Variants in CEP43 observed in about 807,000 individuals in gnomAD.
CEP43 encodes the protein FGFR1 oncogene partner.
CEP43 carries 36 observed loss-of-function variants against 52.6 expected under a neutral mutation model. The observed-to-expected ratio is 0.68, with a 90% CI of 0.52 to 0.90. CEP43 has a LOEUF of 0.90. Ranked by LOEUF, CEP43 falls within the 40% of genes least tolerant of loss-of-function variation. CEP43 has a pLI of 0.00. For synonymous variants in CEP43, 192 were observed against 172.4 expected (o/e 1.11, Z -0.89); for missense variants, 506 against 472.8 (o/e 1.07, Z -0.65).
intron 7 of CEP43, among the ~76,000 whole-genome samples, chr6:167,018,383 A>G (rs1330738246): frequency 2.6e-5 from 4 of 151,484 alleles, no homozygotes; most frequent in Admixed American, 6.6e-5. Flanking sequence ...TTGCCATGGT[A>G]TGTGTGTGTG....
chr6:167,031,638 C>T (rs780915326), intron 10 of CEP43, among the ~76,000 whole-genome samples: 1 of 152,200 alleles, frequency 6.6e-6, no homozygotes, highest in Admixed American at 6.5e-5. Flanking sequence ...GGTCTTTGAA[C>T]GGCTCTCTGT....
intron 5 of CEP43, among the ~76,000 whole-genome samples, chr6:167,008,220 T>A (rs1411585277): frequency 1.3e-5 from 2 of 152,148 alleles, no homozygotes; most frequent in East Asian, 3.9e-4. Context: ...CTTCTCTTAT[T>A]TCGTTATTCT....
At chr6:167,023,227 C>T (rs915790284) in intron 8 of CEP43, among the ~76,000 whole-genome samples, 6 of 152,084 alleles carry the variant, frequency 3.9e-5, no homozygotes, top group Non-Finnish European at 5.9e-5. Context: ...AGGAGCTGGA[C>T]GGCTTTTCTT....
At chr6:167,032,148 T>C (rs1051987319) in intron 10 of CEP43, among the ~76,000 whole-genome samples, 1 of 152,186 alleles carries the variant, frequency 6.6e-6, no homozygotes, top group African/African-American at 2.4e-5. Context: ...AGCCTGGCTC[T>C]GTCTGACTGA....
chr6:167,008,359 CCTT>C (rs10542438), intron 5 of CEP43, among the ~76,000 whole-genome samples: 3,855 of 152,272 alleles, frequency 0.025, 170 homozygotes, highest in African/African-American at 0.089. Flanking sequence ...CTTAGTGCCT[CCTT>C]CTGTCAAAGT....
chr6:167,016,296 G>C (rs756549844), intron 7 of CEP43, among the ~76,000 whole-genome samples: 3 of 152,156 alleles, frequency 2.0e-5, no homozygotes, highest in Non-Finnish European at 2.9e-5. Context: ...GTCTCACTCT[G>C]TCACCTAGGC....
chr6:167,010,842 TC>T lies in CEP43; in HGVS notation c.470del (p.Pro157HisfsTer74). On this transcript the variant is annotated frameshift_variant, in exon 6 of 13. Transcript: ENST00000366847. LOFTEE classifies it high-confidence loss of function. ...CACTTGATCTATCTGATGTACATTC[TC>T]CACCAAAGTCACCAGAGGGAAAAAC... The part of the protein sequence containing the change: ...GALDLSDVHS[P>X]PKSPEGKTSA... 1 of 1,594,242 alleles carries T rather than the reference TC, an allele frequency of 6.3e-7. No individual in the cohort carries two copies. The highest frequency in any genetic ancestry group is 8.5e-7 in the Non-Finnish European group (1 of 1,170,536).
intron 7 of CEP43, among the ~76,000 whole-genome samples, chr6:167,020,924 A>G (rs925945041): frequency 6.6e-6 from 1 of 151,184 alleles, no homozygotes; most frequent in Admixed American, 6.6e-5. Context: ...AAAAAAAAAA[A>G]AAAAAAAAGA....
rs575056152 is a variant in CEP43 at position 167,041,448 on chromosome 6, C to T, written c.*1470C>T. 57 of 1,060,090 alleles carry T rather than the reference C, an allele frequency of 5.4e-5. No homozygotes were observed. The Admixed American group carries it at 9.2e-4, about 17-fold the overall frequency. 65.7% of individuals were successfully genotyped at this position (1,060,090 alleles called of 1,614,324 possible). On this transcript the variant is annotated 3_prime_UTR_variant, in exon 13 of 13. Coordinates refer to ENST00000366847, the MANE Select transcript of CEP43 (RefSeq NM_007045.4). ...GCTGCTATCTCAGTCTCCTTCAGCTCTTCATGTCTTAGTAAACAGCACCAC... is the reference window on the plus strand; with the variant it reads ...GCTGCTATCTCAGTCTCCTTCAGCTTTTCATGTCTTAGTAAACAGCACCAC...
At chr6:167,002,249 T>C (rs1480759678) in intron 2 of CEP43, among the ~76,000 whole-genome samples, 6 of 152,172 alleles carry the variant, frequency 3.9e-5, no homozygotes, top group Non-Finnish European at 8.8e-5. Flanking sequence ...AATCGTATAG[T>C]AGGTACTCTT....
At chr6:167,037,099 C>A (rs1780599844) in intron 12 of CEP43, among the ~76,000 whole-genome samples, 1 of 152,194 alleles carries the variant, frequency 6.6e-6, no homozygotes, top group Admixed American at 6.5e-5. Flanking sequence ...AGTCACTGTA[C>A]CCGGCGGAAA....
At chr6:167,011,668 A>T (rs1289426880) in intron 6 of CEP43, 1 of 153,490 alleles carries the variant, frequency 6.5e-6, no homozygotes, top group Non-Finnish European at 1.5e-5. Context: ...CTTACAAACA[A>T]CACATTTTTC....
At chr6:167,005,306 A>G (rs1355133693) in intron 5 of CEP43, among the ~76,000 whole-genome samples, 1 of 152,264 alleles carries the variant, frequency 6.6e-6, no homozygotes, top group Non-Finnish European at 1.5e-5. Context: ...GTGTCTCTGA[A>G]TAGCGCAGAG....
Position 167,041,830 on chromosome 6 carries a change from C to A in CEP43, c.*1852C>A, listed in dbSNP as rs1005493991. The A allele has an allele frequency of 4.7e-5, 1 of 21,378 alleles. No homozygotes were observed. The highest frequency in any genetic ancestry group is 6.0e-5 in the Non-Finnish European group (1 of 16,670). The allele number at this position is 21,378 out of a possible 1,614,324, so 1.3% of individuals were successfully genotyped here. ...CAGCACTACATACATCTTTTTTTTG[C>A]GGGGGGCGGGGGGGACAGAGTCTCA... On this transcript the variant is annotated 3_prime_UTR_variant, in exon 13 of 13. Transcript: ENST00000366847.
rs1780643888 is a variant in CEP43, at chr6:167,039,255, A to G, written c.1126-649A>G. Among the ~76,000 whole-genome samples the G allele has an allele frequency of 4.6e-5, 7 of 151,768 alleles. No homozygotes were observed. The South Asian group carries it at 1.5e-3, about 32-fold the overall frequency. On this transcript the variant is annotated intron_variant, in intron 12 of 12. Transcript: ENST00000366847. ...AGCGATTCTCCCGCCTCAGCCTCCC[A>G]AGTAGCTGGGACTACAGGCACCCGC...
chr6:167,034,751 A>G (rs112898967), intron 12 of CEP43, among the ~76,000 whole-genome samples: 3,597 of 152,184 alleles, frequency 0.024, 127 homozygotes, highest in African/African-American at 0.08. Context: ...TCTTTCATAT[A>G]TTTTCTTATT....
At chr6:167,029,579 G>A (rs1780424544) in intron 10 of CEP43, among the ~76,000 whole-genome samples, 1 of 152,216 alleles carries the variant, frequency 6.6e-6, no homozygotes, top group Admixed American at 6.5e-5. Flanking sequence ...TAACCTGTAT[G>A]TATTCTGTTA....
At chr6:167,030,569 C>G (rs998294361) in intron 10 of CEP43, among the ~76,000 whole-genome samples, 5 of 152,114 alleles carry the variant, frequency 3.3e-5, no homozygotes, top group Non-Finnish European at 7.4e-5. Flanking sequence ...CATTACTGGG[C>G]AAGGTTTGGA....
intron 8 of CEP43, 112 bp downstream of exon 8, chr6:167,022,747 A>G: frequency 5.3e-6 from 4 of 756,728 alleles, no homozygotes; most frequent in Admixed American, 2.8e-5. Flanking sequence ...TATTGGATCC[A>G]TAAATCTGAC....
Sources: gnomAD v4.1 joint callset for allele counts (sites outside exome capture counted in the v4.1 genomes callset) on GRCh38, gnomAD v4.1.1 for gene constraint, MANE v1.5 for transcripts, NCBI Gene and HGNC (gene_info 2026-07-23, HGNC 2026-07-21) for gene names.